CRPPA: variants seen among roughly 807,000 people sequenced by gnomAD.
CRPPA encodes the protein D-ribitol-5-phosphate cytidylyltransferase.
CRPPA carries 43 observed loss-of-function variants against 52.0 expected under a neutral mutation model. The observed-to-expected ratio is 0.83, with a 90% CI of 0.65 to 1.07. CRPPA has a LOEUF of 1.07. CRPPA is among the 50% of genes least tolerant of loss of function. The probability of loss-of-function intolerance (pLI) is 0.00; values close to 1 mark genes in which losing one functional copy is unlikely to be tolerated. For missense variants in CRPPA, 629 were observed against 551.7 expected (o/e 1.14, Z -1.40); for synonymous variants, 250 against 203.5 (o/e 1.23, Z -1.94).
intron 5 of CRPPA, among the ~76,000 whole-genome samples, chr7:16,280,406 G>T (rs113266275): frequency 2.0e-4 from 31 of 152,126 alleles, no homozygotes; most frequent in Non-Finnish European, 4.1e-4. Context: ...TAATATCTTA[G>T]GCTAAGGCCC....
At chr7:16,308,083 G>A (rs987920166) in intron 4 of CRPPA, among the ~76,000 whole-genome samples, 4 of 152,002 alleles carry the variant, frequency 2.6e-5, no homozygotes, top group Admixed American at 6.6e-5. Context: ...GTGAGGTCTC[G>A]AAGTGTCTCA....
intron 3 of CRPPA, among the ~76,000 whole-genome samples, chr7:16,329,815 C>G (rs868815904): frequency 6.6e-6 from 1 of 152,104 alleles, no homozygotes; most frequent in Non-Finnish European, 1.5e-5. Flanking sequence ...TGGCTGCAAT[C>G]ACAAAAGACA....
chr7:16,366,287 G>A (rs1299758184), intron 3 of CRPPA, among the ~76,000 whole-genome samples: 2 of 152,038 alleles, frequency 1.3e-5, no homozygotes, highest in African/African-American at 4.8e-5. Flanking sequence ...GAATTTTAGG[G>A]GAAACACAGA....
At chr7:16,241,176 G>A (rs997230442) in intron 8 of CRPPA, among the ~76,000 whole-genome samples, 4 of 152,002 alleles carry the variant, frequency 2.6e-5, no homozygotes, top group Non-Finnish European at 5.9e-5. Flanking sequence ...AAGTGTAAAT[G>A]GATGATGACT....
chr7:16,384,025 A>G (rs936114958), intron 2 of CRPPA, among the ~76,000 whole-genome samples: 3 of 151,972 alleles, frequency 2.0e-5, no homozygotes, highest in Non-Finnish European at 2.9e-5. Flanking sequence ...ACTGTCTGGC[A>G]CTCCCTAGTG....
At chr7:16,353,963 A>G (rs1376325377) in intron 3 of CRPPA, among the ~76,000 whole-genome samples, 1 of 152,206 alleles carries the variant, frequency 6.6e-6, no homozygotes, top group African/African-American at 2.4e-5. Flanking sequence ...ACATCAAAAC[A>G]TCACATTGTA....
At chr7:16,145,367 G>A (rs1441724190) in intron 9 of CRPPA, among the ~76,000 whole-genome samples, 2 of 152,160 alleles carry the variant, frequency 1.3e-5, no homozygotes, top group Non-Finnish European at 2.9e-5. Context: ...GCCTGTACCT[G>A]CTGAAAACAG....
At chr7:16,360,097 T>G (rs1343912223) in intron 3 of CRPPA, among the ~76,000 whole-genome samples, 1 of 152,212 alleles carries the variant, frequency 6.6e-6, no homozygotes, top group African/African-American at 2.4e-5. Flanking sequence ...AAGACAGATG[T>G]TCACGTCTTG....
intron 9 of CRPPA, among the ~76,000 whole-genome samples, chr7:16,199,340 A>C (rs1475597336): frequency 6.6e-6 from 1 of 152,124 alleles, no homozygotes; most frequent in African/African-American, 2.4e-5. Flanking sequence ...CACTTTAATC[A>C]ATGTCTGCCT....
chr7:16,253,515 T>C (rs539186581), intron 8 of CRPPA, among the ~76,000 whole-genome samples: 50 of 152,316 alleles, frequency 3.3e-4, no homozygotes, highest in African/African-American at 1.2e-3. Flanking sequence ...GAGGAGTACT[T>C]TACTTCCAAC....
intron 9 of CRPPA, among the ~76,000 whole-genome samples, chr7:16,132,650 T>C (rs1262355279): frequency 8.0e-6 from 1 of 125,054 alleles, no homozygotes; most frequent in African/African-American, 2.6e-5. Context: ...AAGCTTGAAC[T>C]GCATGGGTTT....
intron 8 of CRPPA, among the ~76,000 whole-genome samples, chr7:16,256,413 G>A (rs1413891303): frequency 6.6e-6 from 1 of 152,134 alleles, no homozygotes; most frequent in Non-Finnish European, 1.5e-5. Flanking sequence ...CCATTACTGG[G>A]TATACACCCA....
rs115455870 is a variant in CRPPA, at chr7:16,376,459, C to A, written c.535-218G>T. On this transcript the variant is annotated intron_variant, in intron 2 of 9. Coordinates refer to ENST00000407010, the MANE Select transcript of CRPPA (RefSeq NM_001101426.4). ...GTTCCATACATTAAGGTGAAATTTT[C>A]CTTCATTATAAGTTCAAAATCCTTC... Among the ~76,000 whole-genome samples the A allele has an allele frequency of 4.0e-3, 601 of 152,090 alleles. 1 individual carries two copies. Among genetic ancestry groups the A allele is most frequent in the African/African-American group, 0.013 (544 of 41,468 alleles).
At chr7:16,155,523 C>G (rs528856960) in intron 9 of CRPPA, among the ~76,000 whole-genome samples, 3 of 152,164 alleles carry the variant, frequency 2.0e-5, no homozygotes, top group African/African-American at 4.8e-5. Flanking sequence ...CCTCTTCTGC[C>G]CACTCAGCAT....
At chr7:16,247,156 C>T (rs376822158) in intron 8 of CRPPA, among the ~76,000 whole-genome samples, 2 of 152,350 alleles carry the variant, frequency 1.3e-5, no homozygotes, top group East Asian at 3.8e-4. Context: ...GTTATGAAGA[C>T]AATTCTGTCT....
At chr7:16,344,565 C>T (rs929613105) in intron 3 of CRPPA, among the ~76,000 whole-genome samples, 1 of 151,652 alleles carries the variant, frequency 6.6e-6, no homozygotes, top group Non-Finnish European at 1.5e-5. Context: ...AAAGAATGAG[C>T]CTATTTATGG....
At chr7:16,326,113 C>A (rs548862412) in intron 3 of CRPPA, among the ~76,000 whole-genome samples, 1 of 150,994 alleles carries the variant, frequency 6.6e-6, no homozygotes, top group East Asian at 1.9e-4. Context: ...CATAGGACAC[C>A]TATCTACCTC....
chr7:16,143,321 C>T (rs1324244588), intron 9 of CRPPA, among the ~76,000 whole-genome samples: 2 of 152,116 alleles, frequency 1.3e-5, no homozygotes, highest in African/African-American at 2.4e-5. Flanking sequence ...TCACAAGACA[C>T]TCAAGGAATA....
intron 4 of CRPPA, 115 bp from the exon 5 acceptor site, chr7:16,301,581 T>G (rs1292662400): frequency 1.6e-6 from 1 of 606,996 alleles, no homozygotes. Flanking sequence ...CATGTAATAC[T>G]GACATTTTCT....
Sources: allele counts gnomAD v4.1 joint callset (sites outside exome capture counted in the v4.1 genomes callset), GRCh38; gene constraint gnomAD v4.1.1; transcripts MANE v1.5; gene names NCBI Gene and HGNC (gene_info 2026-07-23, HGNC 2026-07-21).